Variants in PTP4A1 observed in about 807,000 individuals in gnomAD.
The protein encoded by PTP4A1 is protein tyrosine phosphatase type IVA 1.
Under a neutral mutation model 20.5 loss-of-function variants are expected in PTP4A1, and 9 were observed. The observed-to-expected ratio is 0.44, with a 90% CI of 0.26 to 0.77. PTP4A1 has a LOEUF of 0.77. Among genes scored for constraint, PTP4A1 ranks in the 30% least tolerant of loss-of-function variants. The probability of loss-of-function intolerance (pLI) is 0.19; values close to 1 mark genes in which losing one functional copy is unlikely to be tolerated. For synonymous variants in PTP4A1, 78 were observed against 67.4 expected (o/e 1.16, Z -0.77); for missense variants, 137 against 218.8 (o/e 0.63, Z 2.36).
exon 2 of PTP4A1, chr6:63,527,934 G>T (rs1456114233): frequency 6.6e-6 from 1 of 152,214 alleles, no homozygotes; most frequent in Non-Finnish European, 1.5e-5. Flanking sequence ...CAGGGAGTCA[G>T]ATTTCTGTTG....
intron 3 of PTP4A1, among the ~76,000 whole-genome samples, chr6:63,559,375 T>C (rs1776834341): frequency 6.6e-6 from 1 of 152,110 alleles, no homozygotes; most frequent in African/African-American, 2.4e-5. Context: ...GTAAAAACAG[T>C]AAATTTACTT....
chr6:63,520,540 T>C (rs1003362986), upstream of PTP4A1, among the ~76,000 whole-genome samples: 1 of 151,990 alleles, frequency 6.6e-6, no homozygotes, highest in South Asian at 2.1e-4. Flanking sequence ...GGTAGGAGAA[T>C]CACTTGAACC....
intron 1 of PTP4A1, among the ~76,000 whole-genome samples, chr6:63,522,214 T>C (rs572407575): frequency 1.3e-5 from 2 of 152,222 alleles, no homozygotes; most frequent in Non-Finnish European, 2.9e-5. Context: ...TTCTCCAAAG[T>C]ATTTTAAGGG....
intron 5 of PTP4A1, 31 bp downstream of exon 5, chr6:63,579,362 T>A: frequency 6.7e-7 from 1 of 1,502,798 alleles, no homozygotes; most frequent in South Asian, 1.2e-5. Flanking sequence ...TCATTTGTAC[T>A]CTCTTTCATT....
chr6:63,532,235 T>C (rs1581913464), intron 2 of PTP4A1, among the ~76,000 whole-genome samples: 2 of 152,374 alleles, frequency 1.3e-5, no homozygotes, highest in African/African-American at 4.8e-5. Context: ...AACTTTCTTC[T>C]AGTGTCACAA....
At chr6:63,569,651 C>T (rs1295840730), upstream of PTP4A1, among the ~76,000 whole-genome samples, 2 of 152,184 alleles carry the variant, frequency 1.3e-5, no homozygotes, top group Non-Finnish European at 2.9e-5. Flanking sequence ...CCCTGCCTAT[C>T]GTGATGAGGT....
At chr6:63,518,999 A>T (rs1434382831), upstream of PTP4A1, among the ~76,000 whole-genome samples, 3 of 152,210 alleles carry the variant, frequency 2.0e-5, no homozygotes, top group Non-Finnish European at 4.4e-5. Flanking sequence ...AAGCATGTGC[A>T]TATTCACACT....
chr6:63,576,155 G>A (rs1274364552), intron 1 of PTP4A1, among the ~76,000 whole-genome samples: 3 of 150,236 alleles, frequency 2.0e-5, no homozygotes, highest in Admixed American at 1.3e-4. Context: ...ATATATATAT[G>A]AATTTCACAA....
intron 2 of PTP4A1, among the ~76,000 whole-genome samples, chr6:63,532,538 C>G (rs978712622): frequency 6.6e-6 from 1 of 151,776 alleles, no homozygotes; most frequent in African/African-American, 2.4e-5. Context: ...GAGGTAGGTG[C>G]AAACCAGGTA....
intron 1 of PTP4A1, among the ~76,000 whole-genome samples, chr6:63,522,804 A>G (rs1159470562): frequency 6.6e-6 from 1 of 151,864 alleles, no homozygotes; most frequent in Non-Finnish European, 1.5e-5. Flanking sequence ...TTTAATTACC[A>G]TGTAAAGTGA....
At chr6:63,578,618 C>T (rs1400572308) in intron 3 of PTP4A1, 89 bp downstream of exon 3, 1 of 1,473,920 alleles carries the variant, frequency 6.8e-7, no homozygotes, top group African/African-American at 1.5e-5. Flanking sequence ...CTATTTAAGT[C>T]ATAAATAGAC....
chr6:63,553,019 T>C (rs942051947), intron 3 of PTP4A1, among the ~76,000 whole-genome samples: 2 of 152,192 alleles, frequency 1.3e-5, no homozygotes, highest in Non-Finnish European at 2.9e-5. Context: ...ATGATGTAGG[T>C]AGTTGCACGA....
intron 2 of PTP4A1, among the ~76,000 whole-genome samples, chr6:63,577,349 C>T (rs1344207313): frequency 6.6e-6 from 1 of 152,120 alleles, no homozygotes; most frequent in Non-Finnish European, 1.5e-5. Context: ...TTCTTGAACC[C>T]CATCTGATGC....
chr6:63,553,872 G>A (rs1776554532), intron 3 of PTP4A1, among the ~76,000 whole-genome samples: 1 of 152,086 alleles, frequency 6.6e-6, no homozygotes, highest in East Asian at 1.9e-4. Flanking sequence ...ATTTGAGTCA[G>A]GTTATTCAAA....
At position 63,576,803 on chromosome 6, in the gene PTP4A1, A is replaced by G. The variant is rs1288966812; in HGVS notation, c.-78A>G. 3.5e-6 allele frequency: 4 copies of G among 1,154,162 alleles called. No homozygotes were observed. The highest frequency in any genetic ancestry group is 4.8e-5 in the East Asian group (2 of 41,944). The allele number at this position is 1,154,162 out of a possible 1,614,324, so 71.5% of individuals were successfully genotyped here. On this transcript the variant is annotated 5_prime_UTR_variant, in exon 2 of 6. Transcript: ENST00000626021. ...AGTGGAGTATATTGAAGTAGACTTC[A>G]GTTTCTTTGCATCATTTCTGTATTC...
chr6:63,569,983 G>A (rs1404703544), upstream of PTP4A1, among the ~76,000 whole-genome samples: 1 of 152,182 alleles, frequency 6.6e-6, no homozygotes, highest in Non-Finnish European at 1.5e-5. Context: ...ACTAAATACA[G>A]CAGACACCCT....
At chr6:63,520,549 C>A (rs1390807174), upstream of PTP4A1, among the ~76,000 whole-genome samples, 12 of 151,800 alleles carry the variant, frequency 7.9e-5, no homozygotes, top group Admixed American at 7.9e-4. Flanking sequence ...ATCACTTGAA[C>A]CAGGGAGGCA....
At chr6:63,529,856 A>T (rs753003458) in intron 2 of PTP4A1, among the ~76,000 whole-genome samples, 2 of 152,292 alleles carry the variant, frequency 1.3e-5, no homozygotes, top group Non-Finnish European at 2.9e-5. Flanking sequence ...GAGAACTAAA[A>T]ATTATCAATT....
rs1776755626 is a variant in PTP4A1, at chr6:63,557,857, A to T, written c.-446+7364A>T. On this transcript the variant is annotated intron_variant, in intron 3 of 3. Transcript: ENST00000639568. ...GGATTTTGAGAAAGAGGATAGCAAG[A>T]TCAGATATGCATTTTTTAAAATGAT... Among the ~76,000 whole-genome samples, 2 of 151,916 alleles carry T rather than the reference A, an allele frequency of 1.3e-5. 1 individual carries two copies. Among genetic ancestry groups the T allele is most frequent in the South Asian group, 4.1e-4 (2 of 4,824 alleles).
Sources: allele counts gnomAD v4.1 joint callset (sites outside exome capture counted in the v4.1 genomes callset), GRCh38; gene constraint gnomAD v4.1.1; transcripts MANE v1.5; gene names NCBI Gene and HGNC (gene_info 2026-07-23, HGNC 2026-07-21).